SCAPER: variants seen among roughly 807,000 people sequenced by gnomAD.
The protein encoded by SCAPER is S phase cyclin A-associated protein in the endoplasmic reticulum.
In SCAPER, 98 loss-of-function variants were observed where a neutral mutation model predicts 182.2. The ratio of observed to expected loss-of-function variants is 0.54; its 90% CI spans 0.46 to 0.64. SCAPER has a LOEUF of 0.64. Ranked by LOEUF, SCAPER falls within the 30% of genes least tolerant of loss-of-function variation. The pLI, the probability that SCAPER is intolerant of heterozygous loss-of-function variation, is 0.00. For synonymous variants in SCAPER, 605 were observed against 564.6 expected (o/e 1.07, Z -1.01); for missense variants, 1,432 against 1,690.0 (o/e 0.85, Z 2.68).
At chr15:76,651,898 C>T (rs2055082874) in intron 21 of SCAPER, among the ~76,000 whole-genome samples, 1 of 151,080 alleles carries the variant, frequency 6.6e-6, no homozygotes, top group Admixed American at 6.6e-5. Context: ...AAATAAAATC[C>T]AGCAGCACAT....
intron 20 of SCAPER, among the ~76,000 whole-genome samples, chr15:76,691,644 AC>A (rs567272996): frequency 5.6e-4 from 86 of 152,222 alleles, no homozygotes; most frequent in African/African-American, 2.1e-3. Flanking sequence ...CCCAGTGAAA[AC>A]CCCATTTACA....
chr15:76,625,378 C>T (rs1426770263), intron 21 of SCAPER, among the ~76,000 whole-genome samples: 3 of 152,270 alleles, frequency 2.0e-5, no homozygotes, highest in East Asian at 1.9e-4. Context: ...CCAGGTTCAG[C>T]GGCCCACAGG....
rs73442152 is a variant in SCAPER, at chr15:76,444,497, A to G, written c.3079-10187T>C. On this transcript the variant is annotated intron_variant, in intron 25 of 31. Transcript: ENST00000563290. ...CTAATCTTTCCCATTTTTAAATAAA[A>G]TTTTGTTATTTCAGAACCATTTATG... Among the ~76,000 whole-genome samples, 680 of 152,230 alleles carry G rather than the reference A, an allele frequency of 4.5e-3. 7 individuals are homozygous for G. Among genetic ancestry groups the G allele is most frequent in the African/African-American group, 0.016 (648 of 41,546 alleles).
intron 2 of SCAPER, among the ~76,000 whole-genome samples, chr15:76,872,310 C>G (rs1406212041): frequency 6.6e-6 from 1 of 152,052 alleles, no homozygotes; most frequent in Non-Finnish European, 1.5e-5. Context: ...GGCTTTAAAA[C>G]TGACAAAAGA....
At chr15:76,680,396 C>CATGATGATG (rs746371617) in intron 20 of SCAPER, among the ~76,000 whole-genome samples, 5 of 136,212 alleles carry the variant, frequency 3.7e-5, no homozygotes, top group African/African-American at 1.4e-4. Context: ...TAGGTCATTT[C>CATGATGATG]ATGATGATGA....
At chr15:76,567,911 T>A (rs1169316522) in intron 23 of SCAPER, among the ~76,000 whole-genome samples, 1 of 152,118 alleles carries the variant, frequency 6.6e-6, no homozygotes, top group Non-Finnish European at 1.5e-5. Context: ...ATTGTTAATT[T>A]CTTTTGTGTC....
At chr15:76,709,653 C>T (rs2059456268) in intron 17 of SCAPER, among the ~76,000 whole-genome samples, 1 of 152,168 alleles carries the variant, frequency 6.6e-6, no homozygotes, top group Admixed American at 6.5e-5. Flanking sequence ...GAAATAATAC[C>T]TATCTTATGC....
chr15:76,469,923 A>G (rs1351395836), intron 25 of SCAPER, among the ~76,000 whole-genome samples: 1 of 77,826 alleles, frequency 1.3e-5, no homozygotes, highest in African/African-American at 4.5e-5. Context: ...TATCTTACTC[A>G]TATTTTAATG....
intron 23 of SCAPER, among the ~76,000 whole-genome samples, chr15:76,544,411 T>C (rs2045058249): frequency 6.6e-6 from 1 of 152,128 alleles, no homozygotes; most frequent in Non-Finnish European, 1.5e-5. Context: ...AACTCAAATG[T>C]CTATCAACAA....
chr15:76,504,086 C>T (rs775746190), intron 24 of SCAPER, among the ~76,000 whole-genome samples: 5 of 152,004 alleles, frequency 3.3e-5, no homozygotes, highest in Non-Finnish European at 5.9e-5. Flanking sequence ...CGGGGTCTCG[C>T]TACATTGCCC....
chr15:76,670,829 A>AT (rs1351964113), intron 20 of SCAPER, among the ~76,000 whole-genome samples: 2 of 152,206 alleles, frequency 1.3e-5, no homozygotes, highest in Non-Finnish European at 2.9e-5. Context: ...AATGGTTTGC[A>AT]TTATGCTTTT....
At chr15:76,486,188 C>T (rs2051633727) in intron 24 of SCAPER, among the ~76,000 whole-genome samples, 1 of 152,022 alleles carries the variant, frequency 6.6e-6, no homozygotes, top group Non-Finnish European at 1.5e-5. Flanking sequence ...GCCTGGGCGA[C>T]AGAGTGAGAC....
At position 76,604,457 on chromosome 15, in the gene SCAPER, C is replaced by T. The variant is rs1447836650; in HGVS notation, c.2711+17307G>A. Among the ~76,000 whole-genome samples, 5 of 118,378 alleles carry T rather than the reference C, an allele frequency of 4.2e-5. 2 individuals carry two copies. Among genetic ancestry groups the T allele is most frequent in the East Asian group, 4.5e-4 (2 of 4,424 alleles). The allele number at this position is 118,378 out of a possible 152,430, so 77.7% of individuals were successfully genotyped here. On this transcript the variant is annotated intron_variant, in intron 22 of 31. Coordinates refer to ENST00000563290, the MANE Select transcript of SCAPER (RefSeq NM_020843.4). ...GTAGTATAGTTTGAAGTCAGGTAAG[C>T]GGGATGCCTCCAGCTTCGTTCTTTT...
At chr15:76,500,794 G>A (rs1315852190) in intron 24 of SCAPER, among the ~76,000 whole-genome samples, 1 of 151,926 alleles carries the variant, frequency 6.6e-6, no homozygotes, top group East Asian at 1.9e-4. Context: ...AAGTTTGTAG[G>A]TTGGGGAGGC....
At chr15:76,743,915 C>T (rs2061672747) in intron 15 of SCAPER, among the ~76,000 whole-genome samples, 1 of 152,118 alleles carries the variant, frequency 6.6e-6, no homozygotes, top group African/African-American at 2.4e-5. Flanking sequence ...GTAAACAAAA[C>T]AGCATGGTAC....
chr15:76,772,889 T>C (rs2063546826), intron 9 of SCAPER, among the ~76,000 whole-genome samples: 1 of 151,872 alleles, frequency 6.6e-6, no homozygotes, highest in Non-Finnish European at 1.5e-5. Flanking sequence ...AGATAAATGC[T>C]GCAGTGGCCA....
At chr15:76,619,571 C>A (rs1454422052) in intron 22 of SCAPER, among the ~76,000 whole-genome samples, 1 of 152,038 alleles carries the variant, frequency 6.6e-6, no homozygotes, top group East Asian at 1.9e-4. Context: ...GCATTCTCTG[C>A]AATTATTTTT....
chr15:76,390,688 C>T (rs2043630565), intron 27 of SCAPER, among the ~76,000 whole-genome samples: 1 of 152,178 alleles, frequency 6.6e-6, no homozygotes, highest in African/African-American at 2.4e-5. Flanking sequence ...TCAGTTTTCT[C>T]ATACTGTAAA....
chr15:76,705,944 G>A lies in SCAPER; in HGVS notation c.2206C>T (p.Gln736Ter). The A allele has an allele frequency of 6.4e-7, 1 of 1,564,776 alleles. No homozygotes were observed. The highest frequency in any genetic ancestry group is 8.6e-7 in the Non-Finnish European group (1 of 1,156,410). ...ERLAALTAAQQEAMEELQKKI... is the reference protein window; with the variant it reads ...ERLAALTAAQ ...TTCTGTAACTCTTCCATAGCTTCTT[G>A]TTGAGCAGCTGTGAGTGCTGCCAAT... Residue 736 changes from glutamine (Q) to a stop codon, truncating the protein, a stop_gained, in exon 18 of 32, where the codon CAA becomes TAA. Coordinates refer to ENST00000563290, the MANE Select transcript of SCAPER (RefSeq NM_020843.4). LOFTEE classifies it high-confidence loss of function.
Sources: gnomAD v4.1 joint callset for allele counts (sites outside exome capture counted in the v4.1 genomes callset) on GRCh38, gnomAD v4.1.1 for gene constraint, MANE v1.5 for transcripts, NCBI Gene and HGNC (gene_info 2026-07-23, HGNC 2026-07-21) for gene names.